Variants in SCO2 observed in about 807,000 individuals in gnomAD.
The protein encoded by SCO2 is synthesis of cytochrome C oxidase 2.
For missense variants in SCO2, 429 were observed against 348.7 expected (o/e 1.23, Z -1.83); for synonymous variants, 195 against 148.6 (o/e 1.31, Z -2.27).
At chr22:50,525,358 G>A (rs1355885370) in intron 1 of SCO2, 114 bp downstream of exon 1, 1 of 257,418 alleles carries the variant, frequency 3.9e-6, no homozygotes, top group Non-Finnish European at 7.6e-6. Flanking sequence ...GGCCTCCAGC[G>A]CGCCCTGGGG....
At chr22:50,525,973 G>A (rs183160819), upstream of SCO2, 3,687 of 1,385,726 alleles carry the variant, frequency 2.7e-3, 74 homozygotes, top group African/African-American at 0.045. Flanking sequence ...CGGGGGTGCG[G>A]GGCCAGCAGG....
chr22:50,524,190 G>T lies in SCO2; in HGVS notation c.222C>A (p.Ala74=), dbSNP rs770740636. 6.2e-7 allele frequency: 1 copy of T among 1,609,152 alleles called. No individual in the cohort carries two copies. Among genetic ancestry groups the T allele is most frequent in the Non-Finnish European group, 8.5e-7 (1 of 1,179,938 alleles). The change falls in exon 2 of 2, where the codon GCC becomes GCA. Residue 74 remains alanine, a synonymous_variant. Transcript: ENST00000395693. ...CCTTCTCAGCCCTCAGGGCCAGCCAGGCCCCACCGAGTCCAGCCCCGAACA... is the reference window on the plus strand; with the variant it reads ...CCTTCTCAGCCCTCAGGGCCAGCCATGCCCCACCGAGTCCAGCCCCGAACA... ...TGLFGAGLGG[A]WLALRAEKER...
Position 50,524,443 on chromosome 22 carries a change from G to A in SCO2, c.-13-19C>T, listed in dbSNP as rs1031633147. 5.6e-6 allele frequency: 9 copies of A among 1,606,634 alleles called. No individual in the cohort carries two copies. The highest frequency in any genetic ancestry group is 3.3e-5 in the South Asian group (3 of 90,470). On this transcript the variant is annotated intron_variant, in intron 1 of 1. Coordinates refer to ENST00000395693, the MANE Select transcript of SCO2 (RefSeq NM_005138.3). ...GATGCTCCTGGAAACAAGCACAGGC[G>A]TCAGGAGCCAGAAGGGAAGGCCCAG...
chr22:50,525,742 A>T, upstream of SCO2: 1 of 1,606,928 alleles, frequency 6.2e-7, no homozygotes, highest in Non-Finnish European at 8.5e-7. Context: ...CCGCCCAAGC[A>T]CTGACAAGGT....
chr22:50,526,308 G>C (rs1165404070), upstream of SCO2: 1 of 1,559,474 alleles, frequency 6.4e-7, no homozygotes, highest in Non-Finnish European at 8.6e-7. Flanking sequence ...CCGGCGTTCT[G>C]CGGGACTTCC....
At chr22:50,525,170 A>C (rs2069287664) in intron 1 of SCO2, among the ~76,000 whole-genome samples, 1 of 152,160 alleles carries the variant, frequency 6.6e-6, no homozygotes, top group Non-Finnish European at 1.5e-5. Context: ...CCGAGGACTC[A>C]CTGCACCCCC....
At chr22:50,525,613 T>G, upstream of SCO2, 1 of 1,162,396 alleles carries the variant, frequency 8.6e-7, no homozygotes, top group Non-Finnish European at 1.2e-6. Flanking sequence ...GAGCTGCGCA[T>G]GCGCACACGG....
At chr22:50,526,270 C>T (rs753745471), upstream of SCO2, 24 of 1,542,462 alleles carry the variant, frequency 1.6e-5, no homozygotes, top group Non-Finnish European at 2.0e-5. Flanking sequence ...AGCAGCTCCT[C>T]CTGCTCCCGG....
chr22:50,524,914 G>T, intron 1 of SCO2: 1 of 325,828 alleles, frequency 3.1e-6, no homozygotes, highest in South Asian at 2.2e-5. Context: ...ACCTACCCCC[G>T]GAGCTCAGAC....
upstream of SCO2, chr22:50,525,647 G>C: frequency 1.4e-6 from 2 of 1,429,770 alleles, no homozygotes; most frequent in Non-Finnish European, 1.9e-6. Flanking sequence ...CAGGCTCTCA[G>C]CGCGTGCGCG....
chr22:50,524,870 C>A, intron 1 of SCO2: 1 of 359,938 alleles, frequency 2.8e-6, no homozygotes, highest in Non-Finnish European at 5.5e-6. Flanking sequence ...CCAACCGCGG[C>A]CTTCCTCCAC....
chr22:50,524,955 G>C (rs1427208527), intron 1 of SCO2, among the ~76,000 whole-genome samples: 1 of 151,878 alleles, frequency 6.6e-6, no homozygotes, highest in Non-Finnish European at 1.5e-5. Flanking sequence ...AACCTCTCCT[G>C]GCAGAGACGC....
In SCO2 at chr22:50,523,899, C is replaced by T. The variant is rs767454409; in HGVS notation, c.513G>A (p.Arg171=). The T allele has an allele frequency of 1.9e-6, 3 of 1,613,702 alleles. 1 individual carries two copies. Among genetic ancestry groups the T allele is most frequent in the South Asian group, 2.2e-5 (2 of 91,086 alleles). Reference sequence around the variant, plus strand: ...AGCGGGCCATGGCTTCAACGTCGTCCCGCTCGGGGTCCACAGTGATGAAGA... The same window carrying T: ...AGCGGGCCATGGCTTCAACGTCGTCTCGCTCGGGGTCCACAGTGATGAAGA... The part of the protein sequence containing the change: ...QPVFITVDPE[R]DDVEAMARYV... Residue 171 remains arginine (R), a synonymous_variant, in exon 2 of 2, where the codon CGG becomes CGA. Transcript: ENST00000395693.
At chr22:50,526,355 C>T (rs761685698), upstream of SCO2, 2 of 1,550,736 alleles carry the variant, frequency 1.3e-6, no homozygotes, top group Non-Finnish European at 1.7e-6. Context: ...GATCCACGCC[C>T]TGCGCCGCCA....
At chr22:50,524,687 G>C (rs1367515214) in intron 1 of SCO2, 1 of 669,144 alleles carries the variant, frequency 1.5e-6, no homozygotes, top group Non-Finnish European at 2.8e-6. Context: ...ACCTCAGCAA[G>C]GTGAACCTCT....
rs751473601 is a variant in SCO2 at position 50,523,769 on chromosome 22, C to T, written c.643G>A (p.Asp215Asn). ...TCCACGATGTAGTCCTGGTCCTCAT[C>T]CTTGGGGCCTGCATTGTAGTACACG... The part of the protein sequence containing the change: ...YRVYYNAGPK[D>N]EDQDYIVDHS... The change falls in exon 2 of 2, where the codon GAT becomes AAT. Residue 215 changes from aspartate (D) to asparagine (N), a missense_variant. Physicochemically the swap from Asp to Asn is conservative, Grantham distance 23. Coordinates refer to ENST00000395693, the MANE Select transcript of SCO2 (RefSeq NM_005138.3). The T allele has an allele frequency of 2.1e-5, 34 of 1,614,048 alleles. No homozygotes were observed. Among genetic ancestry groups the T allele is most frequent in the Non-Finnish European group, 2.8e-5 (33 of 1,180,034 alleles).
chr22:50,524,512 T>G, intron 1 of SCO2, 88 bp from the exon 2 acceptor site: 2 of 1,225,546 alleles, frequency 1.6e-6, no homozygotes, highest in Non-Finnish European at 1.2e-6. Context: ...CAGCCACCCA[T>G]CTGAAGGACC....
At chr22:50,524,689 T>A in intron 1 of SCO2, 1 of 661,948 alleles carries the variant, frequency 1.5e-6, no homozygotes, top group Non-Finnish European at 2.9e-6. Flanking sequence ...CTCAGCAAGG[T>A]GAACCTCTTG....
upstream of SCO2, chr22:50,525,854 C>T (rs1024414923): frequency 1.9e-6 from 3 of 1,603,540 alleles, no homozygotes; most frequent in Non-Finnish European, 2.6e-6. Flanking sequence ...GCGCCTCCTG[C>T]AGGGCGCGGC....
Sources: gnomAD v4.1 joint callset for allele counts (sites outside exome capture counted in the v4.1 genomes callset) on GRCh38, gnomAD v4.1.1 for gene constraint, MANE v1.5 for transcripts, NCBI Gene and HGNC (gene_info 2026-07-23, HGNC 2026-07-21) for gene names.